Variants in NKAIN3 observed in about 807,000 individuals in gnomAD.
The protein encoded by NKAIN3 is sodium/potassium-transporting ATPase subunit beta-1-interacting protein 3.
In NKAIN3, 25 loss-of-function variants were observed where a neutral mutation model predicts 30.2. The observed-to-expected ratio is 0.83, with a 90% CI of 0.60 to 1.16. The LOEUF is 1.16. NKAIN3 is among the 50% of genes most tolerant of loss of function. NKAIN3 has a pLI of 0.00. For missense variants in NKAIN3, 225 were observed against 254.1 expected, an observed-to-expected ratio of 0.89 and a Z score of 0.78; for synonymous variants, 91 against 89.6, an observed-to-expected ratio of 1.02 and a Z score of -0.09.
At chr8:62,806,291 A>G (rs1294206798) in intron 4 of NKAIN3, among the ~76,000 whole-genome samples, 1 of 152,234 alleles carries the variant, frequency 6.6e-6, no homozygotes, top group African/African-American at 2.4e-5. Context: ...TGACCCAGCC[A>G]TCCCATTACT....
chr8:62,373,360 T>C (rs1474349070), intron 1 of NKAIN3, among the ~76,000 whole-genome samples: 10 of 152,200 alleles, frequency 6.6e-5, no homozygotes, highest in Admixed American at 5.2e-4. Context: ...CTAACTTTAT[T>C]TGAAATAGCT....
chr8:62,935,712 A>T (rs915396152), intron 5 of NKAIN3, among the ~76,000 whole-genome samples: 2 of 152,154 alleles, frequency 1.3e-5, no homozygotes, highest in African/African-American at 4.8e-5. Flanking sequence ...TTAAATATTG[A>T]GTGATAATAC....
intron 3 of NKAIN3, among the ~76,000 whole-genome samples, chr8:62,633,029 T>C (rs1217321353): frequency 6.6e-6 from 1 of 152,074 alleles, no homozygotes; most frequent in Non-Finnish European, 1.5e-5. Flanking sequence ...TTCCTTGTTT[T>C]GGGTGTGTAG....
intron 1 of NKAIN3, among the ~76,000 whole-genome samples, chr8:62,325,723 T>C (rs1046038949): frequency 6.6e-6 from 1 of 151,994 alleles, no homozygotes; most frequent in African/African-American, 2.4e-5. Context: ...TTGCATTTAA[T>C]TTGCATTTTG....
chr8:62,571,650 G>A (rs894641636), intron 1 of NKAIN3, among the ~76,000 whole-genome samples: 2 of 152,110 alleles, frequency 1.3e-5, no homozygotes, highest in Non-Finnish European at 1.5e-5. Flanking sequence ...ATCTTCTGCT[G>A]GGCATCCAGG....
intron 1 of NKAIN3, among the ~76,000 whole-genome samples, chr8:62,335,432 C>CAAAAAAAAAAAAAAAAAAA (rs5891845): frequency 1.2e-5 from 1 of 82,214 alleles, no homozygotes; most frequent in Non-Finnish European, 2.5e-5. Context: ...GACTCTGTCT[C>CAAAAAAAAAAAAAAAAAAA]AAAAAAAAAA....
intron 4 of NKAIN3, among the ~76,000 whole-genome samples, chr8:62,800,628 A>G (rs1368991360): frequency 6.6e-6 from 1 of 152,118 alleles, no homozygotes; most frequent in African/African-American, 2.4e-5. Context: ...AAACAATATC[A>G]GTGGCAGCCA....
chr8:62,527,226 T>G (rs1808332295), intron 1 of NKAIN3, among the ~76,000 whole-genome samples: 2 of 152,130 alleles, frequency 1.3e-5, no homozygotes, highest in Non-Finnish European at 2.9e-5. Context: ...AACATTTCAG[T>G]CAAATAACTG....
intron 1 of NKAIN3, among the ~76,000 whole-genome samples, chr8:62,577,514 T>G (rs1391739710): frequency 4.1e-5 from 6 of 147,278 alleles, no homozygotes. Context: ...ATGAATGGCC[T>G]GCAGCTGCTC....
chr8:62,278,892 C>T (rs1471497265), intron 1 of NKAIN3, among the ~76,000 whole-genome samples: 1 of 152,084 alleles, frequency 6.6e-6, no homozygotes, highest in Admixed American at 6.6e-5. Context: ...GGGTATATGC[C>T]CAGTAATTGG....
chr8:62,483,441 A>G, intron 1 of NKAIN3: 1 of 180,292 alleles, frequency 5.5e-6, no homozygotes. Flanking sequence ...CGGCTAGGTG[A>G]GCCAGGAGTG....
intron 1 of NKAIN3, among the ~76,000 whole-genome samples, chr8:62,519,211 A>C (rs1432942628): frequency 2.0e-5 from 3 of 152,150 alleles, no homozygotes; most frequent in Admixed American, 6.5e-5. Context: ...CTTGTATTTC[A>C]AAAGGTCAAG....
At chr8:62,829,437 A>T (rs1007381623) in intron 4 of NKAIN3, among the ~76,000 whole-genome samples, 3 of 152,136 alleles carry the variant, frequency 2.0e-5, no homozygotes, top group Non-Finnish European at 4.4e-5. Flanking sequence ...ACAAAAGGTA[A>T]AGAAACTTAG....
At chr8:62,254,848 A>C (rs919464267) in intron 1 of NKAIN3, among the ~76,000 whole-genome samples, 4 of 152,252 alleles carry the variant, frequency 2.6e-5, no homozygotes, top group African/African-American at 9.6e-5. Flanking sequence ...TAAAGTACTA[A>C]GCAGTCATTT....
chr8:62,543,896 T>A (rs1375058212), intron 1 of NKAIN3, among the ~76,000 whole-genome samples: 1 of 152,204 alleles, frequency 6.6e-6, no homozygotes, highest in Non-Finnish European at 1.5e-5. Flanking sequence ...GTGCAAAAAG[T>A]AAAACTTACA....
rs576101348 is a variant in NKAIN3, at chr8:62,754,347, C to T, written c.471+7218C>T. Among the ~76,000 whole-genome samples the T allele has an allele frequency of 1.6e-3, 229 of 140,214 alleles. 1 individual carries two copies. Among genetic ancestry groups the T allele is most frequent in the African/African-American group, 5.3e-3 (199 of 37,264 alleles). 92.0% of individuals were successfully genotyped at this position (140,214 alleles called of 152,430 possible). On this transcript the variant is annotated intron_variant, in intron 4 of 6. Coordinates refer to ENST00000623646, the MANE Select transcript of NKAIN3 (RefSeq NM_001304533.3). ...TTACTGGTAAACATGGATTCATATG[C>T]TCATGTTGATTAGTGCACACACACA...
intron 3 of NKAIN3, among the ~76,000 whole-genome samples, chr8:62,716,545 G>A (rs1425966188): frequency 1.3e-5 from 2 of 152,058 alleles, no homozygotes; most frequent in African/African-American, 2.4e-5. Context: ...ACATATTAGC[G>A]AGAACATTAA....
At chr8:62,340,903 T>A (rs200363963) in intron 1 of NKAIN3, among the ~76,000 whole-genome samples, 12,528 of 152,082 alleles carry the variant, frequency 0.082, 667 homozygotes, top group African/African-American at 0.13. Context: ...AAGCGTCTTG[T>A]CATCTTCATT....
At chr8:62,421,604 G>GTC (rs1220536954) in intron 1 of NKAIN3, among the ~76,000 whole-genome samples, 188 of 151,146 alleles carry the variant, frequency 1.2e-3, no homozygotes, top group African/African-American at 4.2e-3. Flanking sequence ...TGCAATTGGA[G>GTC]TCTCTCTCTC....
Sources: allele counts gnomAD v4.1 joint callset (sites outside exome capture counted in the v4.1 genomes callset), GRCh38; gene constraint gnomAD v4.1.1; transcripts MANE v1.5; gene names NCBI Gene and HGNC (gene_info 2026-07-23, HGNC 2026-07-21).